HIGD1A: variants seen among roughly 807,000 people sequenced by gnomAD.
The protein encoded by HIGD1A is HIG1 hypoxia inducible domain family member 1A.
In HIGD1A, 8 loss-of-function variants were observed where a neutral mutation model predicts 11.3. That is an observed-to-expected ratio of 0.71 (90% CI 0.42 to 1.28). The LOEUF (loss-of-function observed/expected upper bound fraction) is 1.28. HIGD1A is among the 50% of genes most tolerant of loss of function. HIGD1A has a pLI of 0.01. For synonymous variants in HIGD1A, 32 were observed against 38.4 expected, an observed-to-expected ratio of 0.83 and a Z score of 0.62; for missense variants, 107 against 118.8, an observed-to-expected ratio of 0.90 and a Z score of 0.46.
chr3:42,802,154 C>A (rs1167157451), intron 1 of HIGD1A, among the ~76,000 whole-genome samples: 1 of 151,780 alleles, frequency 6.6e-6, no homozygotes, highest in Non-Finnish European at 1.5e-5. Flanking sequence ...GTCAATGGAG[C>A]AAAAGGTTTT....
At chr3:42,792,323 T>C (rs889712417) in intron 2 of HIGD1A, among the ~76,000 whole-genome samples, 1 of 152,190 alleles carries the variant, frequency 6.6e-6, no homozygotes, top group African/African-American at 2.4e-5. Context: ...ACCAAGAGGA[T>C]TATAATAATG....
intron 1 of HIGD1A, among the ~76,000 whole-genome samples, chr3:42,796,202 A>G (rs183110297): frequency 1.9e-4 from 29 of 152,334 alleles, no homozygotes; most frequent in African/African-American, 6.5e-4. Flanking sequence ...ACCTTCATTG[A>G]GAAGACTCAA....
intron 2 of HIGD1A, among the ~76,000 whole-genome samples, chr3:42,786,486 T>TA (rs1258641345): frequency 6.6e-6 from 1 of 152,186 alleles, no homozygotes; most frequent in Non-Finnish European, 1.5e-5. Flanking sequence ...GGTCTTGACT[T>TA]AGAGAATGAA....
At chr3:42,786,814 T>G (rs1217395525) in intron 2 of HIGD1A, among the ~76,000 whole-genome samples, 1 of 152,160 alleles carries the variant, frequency 6.6e-6, no homozygotes, top group African/African-American at 2.4e-5. Flanking sequence ...CTTGCTCTGT[T>G]GCCCAGGCTG....
In HIGD1A at chr3:42,784,734, T is replaced by C. The variant is rs1700328433; in HGVS notation, c.*537A>G. On this transcript the variant is annotated 3_prime_UTR_variant, in exon 4 of 4. Transcript: ENST00000321331. ...TAAATACTATTATGCAGCTCTATTGTTTAAGCTTTCTGGATTTGGTTTAAA... is the reference window on the plus strand; with the variant it reads ...TAAATACTATTATGCAGCTCTATTGCTTAAGCTTTCTGGATTTGGTTTAAA... 1 of 152,812 alleles carries C rather than the reference T, an allele frequency of 6.5e-6. No homozygotes were observed. The highest frequency in any genetic ancestry group is 2.1e-4 in the South Asian group (1 of 4,838). 9.5% of individuals were successfully genotyped at this position (152,812 alleles called of 1,614,324 possible).
chr3:42,788,668 A>C (rs1403660096), intron 2 of HIGD1A, among the ~76,000 whole-genome samples: 1 of 151,968 alleles, frequency 6.6e-6, no homozygotes, highest in East Asian at 1.9e-4. Context: ...AATCACTTGA[A>C]AACAGGAGTT....
rs570801151 is a variant in HIGD1A, at chr3:42,789,067, G to T, written c.98-2905C>A. On this transcript the variant is annotated intron_variant, in intron 2 of 3. Transcript: ENST00000321331. ...TTTTTTTTTTTTTTTTTGAGACGGA[G>T]TCTTGTTCTGTCACCCAGGCTGGAG... is the stretch of plus-strand genomic sequence containing the variant. Among the ~76,000 whole-genome samples the T allele has an allele frequency of 8.1e-4, 104 of 129,176 alleles. 1 individual carries two copies. Among genetic ancestry groups the T allele is most frequent in the African/African-American group, 2.9e-3 (98 of 34,386 alleles). The allele number at this position is 129,176 out of a possible 152,430, so 84.7% of individuals were successfully genotyped here. A position where few individuals can be genotyped will look rare whatever the true frequency, so the allele number is the denominator to read the frequency against.
intron 1 of HIGD1A, 152 bp downstream of exon 1, chr3:42,804,284 C>T: frequency 1.5e-6 from 2 of 1,291,750 alleles, no homozygotes; most frequent in East Asian, 2.5e-5. Context: ...CGGGCCTGAG[C>T]CCCGGCAACT....
chr3:42,788,909 A>C (rs1046486531), intron 2 of HIGD1A, among the ~76,000 whole-genome samples: 14 of 152,088 alleles, frequency 9.2e-5, no homozygotes, highest in Middle Eastern at 3.4e-3. Context: ...AAGCCATGAG[A>C]AGAGAATTAC....
chr3:42,786,016 A>G lies in HIGD1A; in HGVS notation c.232+12T>C, dbSNP rs758314335. 5.0e-6 allele frequency: 8 copies of G among 1,611,700 alleles called. No individual in the cohort carries two copies. Among genetic ancestry groups the G allele is most frequent in the Non-Finnish European group, 5.9e-6 (7 of 1,179,808 alleles). ...GAGAAACGAAAATTTGAAATTTCCT[A>G]TAGGAACCTACCAACAGTCATTGCT... On this transcript the variant is annotated intron_variant, in intron 3 of 3. Transcript: ENST00000321331.
intron 1 of HIGD1A, among the ~76,000 whole-genome samples, chr3:42,795,099 A>AT (rs200807574): frequency 0.022 from 3,387 of 151,216 alleles, 52 homozygotes; most frequent in Non-Finnish European, 0.033. Context: ...ACCGTGCCTA[A>AT]TTTTTTTGTA....
chr3:42,785,684 C>T (rs1238689164), intron 3 of HIGD1A, among the ~76,000 whole-genome samples: 1 of 152,162 alleles, frequency 6.6e-6, no homozygotes. Flanking sequence ...AATACCTAAA[C>T]TTTAAGAATC....
chr3:42,789,101 T>C (rs1700388408), intron 2 of HIGD1A, among the ~76,000 whole-genome samples: 1 of 135,708 alleles, frequency 7.4e-6, no homozygotes. Flanking sequence ...AGTGCAGTGG[T>C]GCAATCTCCG....
chr3:42,790,004 G>A (rs1418651298), intron 2 of HIGD1A, among the ~76,000 whole-genome samples: 1 of 152,068 alleles, frequency 6.6e-6, no homozygotes, highest in Non-Finnish European at 1.5e-5. Flanking sequence ...TTACAGGAAT[G>A]AGCCAAAGTG....
chr3:42,801,574 A>G (rs530469749), intron 1 of HIGD1A, among the ~76,000 whole-genome samples: 13 of 152,360 alleles, frequency 8.5e-5, no homozygotes, highest in Non-Finnish European at 1.6e-4. Flanking sequence ...TAGGTTATTC[A>G]GTAATATTGA....
intron 2 of HIGD1A, among the ~76,000 whole-genome samples, chr3:42,788,607 T>C (rs556265648): frequency 1.3e-5 from 2 of 152,158 alleles, no homozygotes; most frequent in South Asian, 4.1e-4. Flanking sequence ...AGAGGCTGGG[T>C]GCAGTGGCTC....
intron 1 of HIGD1A, among the ~76,000 whole-genome samples, chr3:42,800,567 ATT>A (rs371072946): frequency 3.7e-5 from 5 of 136,424 alleles, no homozygotes; most frequent in African/African-American, 1.4e-4. Flanking sequence ...AACTCCTCCC[ATT>A]TTTTTTTTCA....
intron 1 of HIGD1A, among the ~76,000 whole-genome samples, chr3:42,803,506 G>A (rs1243937157): frequency 1.3e-5 from 2 of 152,204 alleles, no homozygotes; most frequent in Non-Finnish European, 2.9e-5. Flanking sequence ...GGTGCACAAA[G>A]AGAACTCCTA....
chr3:42,799,499 C>T (rs1173653516), intron 1 of HIGD1A, among the ~76,000 whole-genome samples: 1 of 152,168 alleles, frequency 6.6e-6, no homozygotes, highest in Admixed American at 6.5e-5. Context: ...GTCTAGTTGC[C>T]ACGCAGGCTG....
Sources: gnomAD v4.1 joint callset for allele counts (sites outside exome capture counted in the v4.1 genomes callset) on GRCh38, gnomAD v4.1.1 for gene constraint, MANE v1.5 for transcripts, NCBI Gene and HGNC (gene_info 2026-07-23, HGNC 2026-07-21) for gene names.